PACRG: variants seen among roughly 807,000 people sequenced by gnomAD.
The protein encoded by PACRG is parkin coregulated gene protein.
Under a neutral mutation model 29.7 loss-of-function variants are expected in PACRG, and 29 were observed. The observed-to-expected ratio is 0.98, with a 90% CI of 0.73 to 1.33. PACRG has a LOEUF of 1.33. Ranked by LOEUF, PACRG falls within the 40% of genes most tolerant of loss-of-function variation. The pLI is 0.00. For missense variants in PACRG, 279 were observed against 316.2 expected (o/e 0.88, Z 0.89); for synonymous variants, 116 against 118.7 (o/e 0.98, Z 0.15).
intron 3 of PACRG, among the ~76,000 whole-genome samples, chr6:163,079,383 C>G (rs1278070325): frequency 2.7e-5 from 4 of 149,248 alleles, no homozygotes; most frequent in African/African-American, 7.4e-5. Context: ...GTGCGTATTA[C>G]TTGGATACAA....
At chr6:163,143,504 A>C (rs917513545) in intron 4 of PACRG, among the ~76,000 whole-genome samples, 2 of 152,230 alleles carry the variant, frequency 1.3e-5, no homozygotes, top group Admixed American at 1.3e-4. Flanking sequence ...TTTAGCGCAG[A>C]GTTCTTGGCC....
chr6:162,995,293 T>G (rs1803891277), intron 2 of PACRG, among the ~76,000 whole-genome samples: 2 of 150,492 alleles, frequency 1.3e-5, no homozygotes, highest in Non-Finnish European at 3.0e-5. Context: ...CCGGCTGCTT[T>G]GTTTACCTAA....
chr6:162,999,065 T>G (rs1392680219), intron 2 of PACRG, among the ~76,000 whole-genome samples: 1 of 152,158 alleles, frequency 6.6e-6, no homozygotes, highest in African/African-American at 2.4e-5. Context: ...TATTCCCTAC[T>G]GGACAGACAT....
chr6:163,052,956 C>T (rs1810174229), intron 2 of PACRG, among the ~76,000 whole-genome samples: 1 of 152,118 alleles, frequency 6.6e-6, no homozygotes, highest in Admixed American at 6.5e-5. Flanking sequence ...AAACGCTTCA[C>T]ATTTCTGGAG....
At chr6:163,110,434 G>A (rs917393394) in intron 4 of PACRG, among the ~76,000 whole-genome samples, 12 of 152,234 alleles carry the variant, frequency 7.9e-5, no homozygotes, top group Admixed American at 4.6e-4. Flanking sequence ...CAAAGTGCCA[G>A]TGACAATAAT....
intron 4 of PACRG, among the ~76,000 whole-genome samples, chr6:163,124,019 C>T (rs1816413488): frequency 6.6e-6 from 1 of 152,182 alleles, no homozygotes; most frequent in Admixed American, 6.5e-5. Context: ...AGATTGCCTG[C>T]TTATATGGTA....
At chr6:163,197,529 T>C (rs111360342) in intron 4 of PACRG, among the ~76,000 whole-genome samples, 3,550 of 148,036 alleles carry the variant, frequency 0.024, 140 homozygotes, top group African/African-American at 0.084. Context: ...CTGCAAGCTC[T>C]GCCTCCCGGG....
intron 2 of PACRG, among the ~76,000 whole-genome samples, chr6:162,919,638 C>T (rs1000210835): frequency 6.6e-6 from 1 of 152,080 alleles, no homozygotes; most frequent in Non-Finnish European, 1.5e-5. Context: ...GCTGCGGGTT[C>T]AAAATGAGAG....
chr6:163,232,291 G>A (rs936647445), intron 4 of PACRG, among the ~76,000 whole-genome samples: 2 of 152,150 alleles, frequency 1.3e-5, no homozygotes, highest in African/African-American at 4.8e-5. Flanking sequence ...GTGTCCCGCT[G>A]GGGCCTGGCT....
chr6:163,278,621 T>C (rs1784132665), intron 4 of PACRG, among the ~76,000 whole-genome samples: 1 of 152,214 alleles, frequency 6.6e-6, no homozygotes, highest in Non-Finnish European at 1.5e-5. Flanking sequence ...TTTTGTTTGC[T>C]TTGTCAAAGA....
chr6:162,748,651 G>T (rs2128276663), intron 1 of PACRG, among the ~76,000 whole-genome samples: 1 of 152,156 alleles, frequency 6.6e-6, no homozygotes, highest in East Asian at 1.9e-4. Flanking sequence ...CAGTTAACAG[G>T]TAAAGTATAG....
intron 1 of PACRG, among the ~76,000 whole-genome samples, chr6:162,797,604 G>A (rs1393374539): frequency 1.3e-5 from 2 of 152,060 alleles, no homozygotes; most frequent in African/African-American, 2.4e-5. Flanking sequence ...TAAATAAGTA[G>A]CTCTTGTATT....
intron 4 of PACRG, among the ~76,000 whole-genome samples, chr6:163,237,477 C>G (rs1782295655): frequency 2.6e-5 from 4 of 152,130 alleles, no homozygotes; most frequent in Admixed American, 2.6e-4. Context: ...AAATCTAGCT[C>G]TAGTTCATGT....
chr6:162,846,379 C>T (rs769221273), intron 2 of PACRG, among the ~76,000 whole-genome samples: 6 of 152,178 alleles, frequency 3.9e-5, no homozygotes, highest in Admixed American at 6.5e-5. Flanking sequence ...TTGTAAAAAT[C>T]TTTAGTGCAC....
chr6:162,753,840 G>A (rs575441188), intron 1 of PACRG, among the ~76,000 whole-genome samples: 1 of 152,158 alleles, frequency 6.6e-6, no homozygotes, highest in South Asian at 2.1e-4. Flanking sequence ...CCATGCAGGA[G>A]TGTGAGTTAA....
intron 3 of PACRG, among the ~76,000 whole-genome samples, chr6:163,070,157 G>A (rs1811909320): frequency 6.6e-6 from 1 of 152,100 alleles, no homozygotes; most frequent in Non-Finnish European, 1.5e-5. Flanking sequence ...TACAAGAAAT[G>A]CTAAAGGGAG....
intron 1 of PACRG, among the ~76,000 whole-genome samples, chr6:162,806,003 G>A (rs889829820): frequency 4.3e-4 from 66 of 152,188 alleles, no homozygotes; most frequent in African/African-American, 1.6e-3. Flanking sequence ...CATTTAGAAT[G>A]GTAAATCCTG....
intron 2 of PACRG, among the ~76,000 whole-genome samples, chr6:162,875,380 CATTCACACACAGAA>C (rs1415122674): frequency 8.5e-5 from 13 of 152,130 alleles, no homozygotes; most frequent in Admixed American, 2.0e-4. Context: ...CATACACAGA[CATTCACACACAGAA>C]ATTCACACAC....
intron 4 of PACRG, chr6:163,187,654 T>A (rs1780012156): frequency 6.6e-6 from 1 of 152,174 alleles, no homozygotes; most frequent in African/African-American, 2.4e-5. Flanking sequence ...GGGTTTCCCA[T>A]CCCAAAGTGG....
Sources: allele counts gnomAD v4.1 joint callset (sites outside exome capture counted in the v4.1 genomes callset), GRCh38; gene constraint gnomAD v4.1.1; transcripts MANE v1.5; gene names NCBI Gene and HGNC (gene_info 2026-07-23, HGNC 2026-07-21).